Variants in WNT10A observed in about 807,000 individuals in gnomAD.
The protein encoded by WNT10A is protein Wnt-10a.
Under a neutral mutation model 36.1 loss-of-function variants are expected in WNT10A, and 37 were observed. The ratio of observed to expected loss-of-function variants is 1.02; its 90% confidence interval spans 0.79 to 1.35. WNT10A has a LOEUF of 1.35. Among genes scored for constraint, WNT10A ranks in the 40% most tolerant of loss-of-function variants. The pLI, the probability that WNT10A is intolerant of heterozygous loss-of-function variation, is 0.00. For synonymous variants in WNT10A, 255 were observed against 254.1 expected (o/e 1.00, Z -0.03); for missense variants, 613 against 601.4 (o/e 1.02, Z -0.20).
At chr2:218,892,208 C>T (rs1442845454) in intron 3 of WNT10A, among the ~76,000 whole-genome samples, 1 of 151,960 alleles carries the variant, frequency 6.6e-6, no homozygotes, top group Non-Finnish European at 1.5e-5. Context: ...TCCTTTGGCT[C>T]TCTACAAAGA....
At chr2:218,876,439 C>T (rs536814747), upstream of WNT10A, among the ~76,000 whole-genome samples, 6 of 152,188 alleles carry the variant, frequency 3.9e-5, no homozygotes, top group Admixed American at 6.5e-5. Flanking sequence ...GGTGACCTAG[C>T]CTGCTTCAAT....
chr2:218,892,690 G>C (rs1381350684), intron 3 of WNT10A, 84 bp from the exon 4 acceptor site: 10 of 1,536,640 alleles, frequency 6.5e-6, no homozygotes, highest in Non-Finnish European at 7.9e-6. Flanking sequence ...AATGGGAGTG[G>C]GTTTCAGAAG....
At chr2:218,876,048 ATCTC>A (rs1944450894), upstream of WNT10A, among the ~76,000 whole-genome samples, 1 of 152,142 alleles carries the variant, frequency 6.6e-6, no homozygotes. Flanking sequence ...GTTTCTGCTT[ATCTC>A]TGCCTCTCTT....
At position 218,890,378 on chromosome 2, in the gene WNT10A, C is replaced by A. The variant is rs1944637380; in HGVS notation, c.756+15C>A. 2 of 1,599,236 alleles carry A rather than the reference C, an allele frequency of 1.3e-6. No homozygotes were observed. Among genetic ancestry groups the A allele is most frequent in the Non-Finnish European group, 8.5e-7 (1 of 1,179,936 alleles). On this transcript the variant is annotated intron_variant, in intron 3 of 3. Transcript: ENST00000258411. ...TTGGGAGGCAGGTGAGAGCCCCACC[C>A]CTGGGTCTGCTTCAAATCTCTTTGC...
the WNT10A span, among the ~76,000 whole-genome samples, chr2:218,874,857 A>G: frequency 6.6e-6 from 1 of 152,244 alleles, no homozygotes; most frequent in African/African-American, 2.4e-5. Context: ...TGTTTCAGTT[A>G]TCCATTGCTA....
intron 3 of WNT10A, 133 bp downstream of exon 3, chr2:218,890,496 C>G: frequency 7.6e-7 from 1 of 1,322,944 alleles, no homozygotes; most frequent in Non-Finnish European, 1.1e-6. Flanking sequence ...TTGACCCTGT[C>G]TAATTCAACA....
chr2:218,890,379 CT>C lies in WNT10A; in HGVS notation c.756+17del, dbSNP rs1559415150. 5 of 1,599,382 alleles carry C rather than the reference CT, an allele frequency of 3.1e-6. No homozygotes were observed. Among genetic ancestry groups the C allele is most frequent in the South Asian group, 1.1e-5 (1 of 91,048 alleles). ...TGGGAGGCAGGTGAGAGCCCCACCC[CT>C]GGGTCTGCTTCAAATCTCTTTGCCT... On this transcript the variant is annotated intron_variant, in intron 3 of 3. Transcript: ENST00000258411.
chr2:218,884,638 CT>C (rs1016259513), intron 2 of WNT10A, among the ~76,000 whole-genome samples: 1 of 152,324 alleles, frequency 6.6e-6, no homozygotes, highest in African/African-American at 2.4e-5. Context: ...CACTGCACCC[CT>C]GACTCCACCT....
Position 218,882,401 on chromosome 2 carries a change from T to C in WNT10A, c.354T>C (p.Tyr118=). 1 of 1,614,156 alleles carries C rather than the reference T, an allele frequency of 6.2e-7. No homozygotes were observed. The highest frequency in any genetic ancestry group is 8.5e-7 in the Non-Finnish European group (1 of 1,180,014). Residue 118 remains tyrosine (Y), a synonymous_variant, in exon 2 of 4, where the codon TAT becomes TAC. Transcript: ENST00000258411. The stretch of plus-strand genomic sequence containing the variant: ...TGGAGACTCGCAACAAGATCCCCTA[T>C]GAGAGTCCCATCTTCAGCAGAGGTA... ...SSLETRNKIP[Y]ESPIFSRGFR...
intron 2 of WNT10A, among the ~76,000 whole-genome samples, chr2:218,882,881 C>T (rs1436266016): frequency 2.0e-5 from 3 of 152,198 alleles, no homozygotes; most frequent in African/African-American, 7.2e-5. Context: ...AAAAAGTCTG[C>T]CCTTCTGCAG....
chr2:218,882,117 G>C (rs1944524169), intron 1 of WNT10A, 44 bp from the exon 2 acceptor site: 1 of 1,594,552 alleles, frequency 6.3e-7, no homozygotes, highest in Admixed American at 1.7e-5. Flanking sequence ...GGGCTCTCCT[G>C]GTCCCCCCAA....
At position 218,893,166 on chromosome 2, in the gene WNT10A, C is replaced by T. The variant is rs2106018828; in HGVS notation, c.1149C>T (p.Ile383=). 1 of 1,587,346 alleles carries T rather than the reference C, an allele frequency of 6.3e-7. No homozygotes were observed. Among genetic ancestry groups the T allele is most frequent in the Non-Finnish European group, 8.5e-7 (1 of 1,173,748 alleles). The part of the protein sequence containing the change: ...GSMCCGRGHN[I]LRQTRSERCH... The stretch of plus-strand genomic sequence containing the variant: ...TGTGCTGCGGCCGCGGCCACAACAT[C>T]CTGCGCCAGACGCGCAGCGAGCGCT... The change falls in exon 4 of 4, where the codon ATC becomes ATT. Residue 383 remains isoleucine (I), a synonymous_variant. Coordinates refer to ENST00000258411, the MANE Select transcript of WNT10A (RefSeq NM_025216.3). This position sits in a 1 kb window ranked among gnomAD's most constrained non-coding sequence, Gnocchi z 6.3.
intron 2 of WNT10A, among the ~76,000 whole-genome samples, chr2:218,887,811 G>A (rs999045879): frequency 1.3e-5 from 2 of 152,282 alleles, no homozygotes; most frequent in Non-Finnish European, 2.9e-5. Context: ...ATACTTCCTC[G>A]ATTAGTAAGG....
At chr2:218,891,857 T>C (rs1944654535) in intron 3 of WNT10A, among the ~76,000 whole-genome samples, 1 of 152,202 alleles carries the variant, frequency 6.6e-6, no homozygotes, top group South Asian at 2.1e-4. Flanking sequence ...GGGTGTGTTT[T>C]CGGAGTGGAC....
intron 2 of WNT10A, among the ~76,000 whole-genome samples, chr2:218,883,118 C>G (rs550637065): frequency 8.5e-4 from 130 of 152,310 alleles, no homozygotes; most frequent in Non-Finnish European, 1.4e-3. Context: ...CTGACAATCC[C>G]AGAGTGGCTT....
At chr2:218,886,499 C>T (rs1388479797) in intron 2 of WNT10A, among the ~76,000 whole-genome samples, 5 of 152,188 alleles carry the variant, frequency 3.3e-5, no homozygotes, top group African/African-American at 4.8e-5. Flanking sequence ...CAAACCTCCT[C>T]CCCCAGCCCC....
Position 218,890,009 on chromosome 2 carries a change from C to A in WNT10A, c.402C>A (p.Tyr134Ter). 6.2e-7 allele frequency: 1 copy of A among 1,613,424 alleles called. No homozygotes were observed. Among genetic ancestry groups the A allele is most frequent in the Non-Finnish European group, 8.5e-7 (1 of 1,180,044 alleles). Reference sequence around the variant, plus strand: ...GTTTCCGAGAGAGCGCTTTTGCCTACGCCATCGCAGCAGCTGGCGTGGTGC... The same window carrying A: ...GTTTCCGAGAGAGCGCTTTTGCCTAAGCCATCGCAGCAGCTGGCGTGGTGC... ...SRGFRESAFAYAIAAAGVVHA... is the reference protein window; with the variant it reads ...SRGFRESAFA The change falls in exon 3 of 4, where the codon TAC becomes TAA. Residue 134 changes from tyrosine (Y) to a stop codon, truncating the protein, a stop_gained. Coordinates refer to ENST00000258411, the MANE Select transcript of WNT10A (RefSeq NM_025216.3). LOFTEE classifies it high-confidence loss of function.
At position 218,889,948 on chromosome 2, in the gene WNT10A, C is replaced by T. The variant is rs1240933983; in HGVS notation, c.377-36C>T. Reference sequence around the variant, plus strand: ...GCTGGAGAATGGGGTGTCAAGGCCCCTCCAGAGTCCATGTGTTCTGGGTCT... The same window carrying T: ...GCTGGAGAATGGGGTGTCAAGGCCCTTCCAGAGTCCATGTGTTCTGGGTCT... On this transcript the variant is annotated intron_variant, in intron 2 of 3. Coordinates refer to ENST00000258411, the MANE Select transcript of WNT10A (RefSeq NM_025216.3). 10 of 1,611,328 alleles carry T rather than the reference C, an allele frequency of 6.2e-6. No homozygotes were observed. The South Asian group carries it at 7.7e-5, about 12-fold the overall frequency.
chr2:218,874,614 A>G, the WNT10A span, among the ~76,000 whole-genome samples: 15 of 152,154 alleles, frequency 9.9e-5, no homozygotes, highest in Admixed American at 3.3e-4. Flanking sequence ...TTGAGCTCTC[A>G]TCTTCCTCCA....
Sources: allele counts gnomAD v4.1 joint callset (sites outside exome capture counted in the v4.1 genomes callset), GRCh38; gene constraint gnomAD v4.1.1; non-coding constraint Gnocchi (gnomAD v3.1); transcripts MANE v1.5; gene names NCBI Gene and HGNC (gene_info 2026-07-23, HGNC 2026-07-21).